Variants in PDE6C observed in about 807,000 individuals in gnomAD.
The protein encoded by PDE6C is cone cGMP-specific 3',5'-cyclic phosphodiesterase subunit alpha'.
Under a neutral mutation model 113.1 loss-of-function variants are expected in PDE6C, and 75 were observed. The ratio of observed to expected loss-of-function variants is 0.66; its 90% confidence interval spans 0.55 to 0.80. The LOEUF (loss-of-function observed/expected upper bound fraction) is 0.80. Among genes scored for constraint, PDE6C ranks in the 30% least tolerant of loss-of-function variants. The pLI, the probability that PDE6C is intolerant of heterozygous loss-of-function variation, is 0.00. For missense variants in PDE6C, 912 were observed against 1,038.6 expected (o/e 0.88, Z 1.67); for synonymous variants, 375 against 363.7 (o/e 1.03, Z -0.35).
intron 15 of PDE6C, among the ~76,000 whole-genome samples, chr10:93,650,291 G>A (rs1428250663): frequency 1.3e-5 from 2 of 152,120 alleles, no homozygotes; most frequent in African/African-American, 4.8e-5. Flanking sequence ...CTGTTGCCAA[G>A]ACTGGAGTGC....
chr10:93,662,440 G>A (rs990240334), intron 19 of PDE6C, 120 bp from the exon 20 acceptor site: 1 of 535,298 alleles, frequency 1.9e-6, no homozygotes, highest in Non-Finnish European at 3.3e-6. Flanking sequence ...CCAGACTGGA[G>A]ACAGAGTGAG....
At chr10:93,632,647 G>A (rs535853859) in intron 8 of PDE6C, among the ~76,000 whole-genome samples, 2 of 152,188 alleles carry the variant, frequency 1.3e-5, no homozygotes, top group Non-Finnish European at 2.9e-5. Context: ...TCTTTCACAC[G>A]CATGTGATAT....
rs1168307813 is a variant in PDE6C, at chr10:93,634,794, A to C, written c.1156A>C (p.Asn386His). ...AGACGAAACTGGTTGGGTCATTAAG[A>C]ATGTTTTGTCCCTGCCTATTGTCAA... is the stretch of plus-strand genomic sequence containing the variant. ...PVDETGWVIK[N>H]VLSLPIVNKK... Residue 386 changes from asparagine (N) to histidine (H), a missense_variant, in exon 9 of 22, where the codon AAT becomes CAT. Coordinates refer to ENST00000371447, the MANE Select transcript of PDE6C (RefSeq NM_006204.4). 1.9e-6 allele frequency: 3 copies of C among 1,614,000 alleles called. No homozygotes were observed. Among genetic ancestry groups the C allele is most frequent in the Non-Finnish European group, 2.5e-6 (3 of 1,179,998 alleles).
At chr10:93,637,552 C>T (rs1417260647) in intron 11 of PDE6C, among the ~76,000 whole-genome samples, 1 of 152,218 alleles carries the variant, frequency 6.6e-6, no homozygotes, top group East Asian at 1.9e-4. Flanking sequence ...TCCCACTTCA[C>T]TAATTCTGTC....
intron 15 of PDE6C, among the ~76,000 whole-genome samples, chr10:93,653,652 A>T (rs1374633125): frequency 1.4e-5 from 2 of 146,142 alleles, no homozygotes; most frequent in Non-Finnish European, 3.0e-5. Context: ...TCAAAAAAAA[A>T]CAAAAACAAA....
At chr10:93,644,536 A>G (rs2058574015) in intron 14 of PDE6C, among the ~76,000 whole-genome samples, 1 of 151,986 alleles carries the variant, frequency 6.6e-6, no homozygotes, top group Admixed American at 6.6e-5. Context: ...TTGAACATTT[A>G]TGATTTCTTT....
chr10:93,613,139 G>A lies in PDE6C; in HGVS notation c.414G>A (p.Leu138=). ...VGPDKEVVFP[L]DIGIVGWAAH... Reference sequence around the variant, plus strand: ...CTGACAAAGAAGTTGTGTTTCCATTGGACATTGGGATAGTGGGTTGGGCTG... The same window carrying A: ...CTGACAAAGAAGTTGTGTTTCCATTAGACATTGGGATAGTGGGTTGGGCTG... Residue 138 remains leucine, a synonymous_variant, in exon 1 of 22, where the codon TTG becomes TTA. Transcript: ENST00000371447. The A allele has an allele frequency of 6.2e-7, 1 of 1,614,122 alleles. No individual in the cohort carries two copies. The highest frequency in any genetic ancestry group is 8.5e-7 in the Non-Finnish European group (1 of 1,180,030).
chr10:93,650,993 A>G (rs1017531401), intron 15 of PDE6C, among the ~76,000 whole-genome samples: 2 of 152,232 alleles, frequency 1.3e-5, no homozygotes, highest in Admixed American at 6.5e-5. Context: ...TATTGACTCT[A>G]CATTTTCATA....
chr10:93,637,004 G>A lies in PDE6C; in HGVS notation c.1423G>A (p.Glu475Lys). The A allele has an allele frequency of 6.3e-7, 1 of 1,590,280 alleles. No individual in the cohort carries two copies. Among genetic ancestry groups the A allele is most frequent in the Non-Finnish European group, 8.6e-7 (1 of 1,158,746 alleles). ...TGCTTTTACATTTTAGAAATTTCAAGAGAAGTTAAATGTTGATGTAATTGA... is the reference window on the plus strand; with the variant it reads ...TGCTTTTACATTTTAGAAATTTCAAAAGAAGTTAAATGTTGATGTAATTGA... Reference protein sequence around the residue: ...EEIKSILKFQEKLNVDVIDDC... With the variant: ...EEIKSILKFQKKLNVDVIDDC... Residue 475 changes from glutamate (E) to lysine (K), a missense_variant, in exon 11 of 22, where the codon GAG becomes AAG. Coordinates refer to ENST00000371447, the MANE Select transcript of PDE6C (RefSeq NM_006204.4).
intron 4 of PDE6C, among the ~76,000 whole-genome samples, chr10:93,622,288 G>GTTTTT (rs57224307): frequency 3.6e-4 from 53 of 149,118 alleles, no homozygotes; most frequent in Admixed American, 6.7e-4. Context: ...CAGCAAGTCT[G>GTTTTT]TTTTTTTTTT....
At chr10:93,656,563 TTTA>T (rs938127992) in intron 16 of PDE6C, among the ~76,000 whole-genome samples, 7 of 151,422 alleles carry the variant, frequency 4.6e-5, no homozygotes, top group African/African-American at 1.7e-4. Context: ...TTATTTATTA[TTTA>T]TTATTATTAT....
chr10:93,629,396 AT>A, intron 8 of PDE6C, 91 bp downstream of exon 8: 2 of 972,124 alleles, frequency 2.1e-6, no homozygotes, highest in Non-Finnish European at 3.4e-6. Context: ...AGTCCGCCTG[AT>A]GCTCAGGTGT....
At position 93,640,497 on chromosome 10, in the gene PDE6C, CACTT is replaced by C. The variant is rs1447746877; in HGVS notation, c.1680_1683del (p.Tyr561ThrfsTer17). 6.2e-7 allele frequency: 1 copy of C among 1,613,868 alleles called. No individual in the cohort carries two copies. The highest frequency in any genetic ancestry group is 2.2e-5 in the East Asian group (1 of 44,876). On this transcript the variant is annotated frameshift_variant, in exon 13 of 22. Coordinates refer to ENST00000371447, the MANE Select transcript of PDE6C (RefSeq NM_006204.4). LOFTEE classifies it high-confidence loss of function. Reference sequence around the variant, plus strand: ...CTGTGAGGAAAGGGTACCGAGCTGTCACTTACCACAATTGGCGGCATGGGTTCAA... The same window carrying C: ...CTGTGAGGAAAGGGTACCGAGCTGTCACCACAATTGGCGGCATGGGTTCAA...
chr10:93,658,189 A>AAAG (rs2058648886), intron 16 of PDE6C, among the ~76,000 whole-genome samples: 1 of 140,150 alleles, frequency 7.1e-6, no homozygotes, highest in Admixed American at 7.2e-5. Context: ...AAAAAAAAAA[A>AAAG]AAAGAAAAAG....
chr10:93,618,247 C>A (rs971205734), intron 1 of PDE6C, among the ~76,000 whole-genome samples: 1 of 152,108 alleles, frequency 6.6e-6, no homozygotes, highest in African/African-American at 2.4e-5. Flanking sequence ...TACTAAGTTT[C>A]TCTTCCTAGT....
rs2058686129 is a variant in PDE6C at position 93,665,521 on chromosome 10, G to C, written c.*103G>C. Reference sequence around the variant, plus strand: ...AAATCATCACGTAACAGGATCTTCAGAAAAACTACCCTGTGACTATGAAGA... The same window carrying C: ...AAATCATCACGTAACAGGATCTTCACAAAAACTACCCTGTGACTATGAAGA... On this transcript the variant is annotated 3_prime_UTR_variant, in exon 22 of 22. Coordinates refer to ENST00000371447, the MANE Select transcript of PDE6C (RefSeq NM_006204.4). The C allele has an allele frequency of 1.6e-5, 13 of 808,484 alleles. No homozygotes were observed. In the Admixed American group the frequency reaches 2.4e-4, roughly 15 times the overall value. 50.1% of individuals were successfully genotyped at this position (808,484 alleles called of 1,614,324 possible). A position where few individuals can be genotyped will look rare whatever the true frequency, so the allele number is the denominator to read the frequency against.
chr10:93,630,385 T>A (rs1294376336), intron 8 of PDE6C, among the ~76,000 whole-genome samples: 6 of 33,846 alleles, frequency 1.8e-4, no homozygotes, highest in East Asian at 8.5e-4. Context: ...CACCACCCCC[T>A]CCCCAACTGT....
At chr10:93,628,834 C>T (rs2058486591) in intron 7 of PDE6C, among the ~76,000 whole-genome samples, 3 of 152,144 alleles carry the variant, frequency 2.0e-5, no homozygotes, top group Admixed American at 2.0e-4. Context: ...CTGTTTCCTC[C>T]TGCCTCTTAA....
intron 18 of PDE6C, among the ~76,000 whole-genome samples, chr10:93,661,461 C>T (rs1320742785): frequency 6.6e-6 from 1 of 152,200 alleles, no homozygotes; most frequent in Non-Finnish European, 1.5e-5. Flanking sequence ...ATTGTTACAG[C>T]ACTTACCACA....
Sources: gnomAD v4.1 joint callset for allele counts (sites outside exome capture counted in the v4.1 genomes callset) on GRCh38, gnomAD v4.1.1 for gene constraint, MANE v1.5 for transcripts, NCBI Gene and HGNC (gene_info 2026-07-23, HGNC 2026-07-21) for gene names.